Variants in FRMD3 observed in about 807,000 individuals in gnomAD.
The protein encoded by FRMD3 is FERM domain containing 3, also known as FERM domain-containing protein 3.
Under a neutral mutation model 70.2 loss-of-function variants are expected in FRMD3, and 33 were observed. The ratio of observed to expected loss-of-function variants is 0.47; its 90% CI spans 0.36 to 0.63. The LOEUF is 0.63. FRMD3 is among the 20% of genes least tolerant of loss of function. The pLI is 0.00. For missense variants in FRMD3, 632 were observed against 711.4 expected, an observed-to-expected ratio of 0.89 and a Z score of 1.27; for synonymous variants, 279 against 255.9, an observed-to-expected ratio of 1.09 and a Z score of -0.86.
At chr9:83,539,007 C>G (rs1829963741), upstream of FRMD3, among the ~76,000 whole-genome samples, 1 of 152,226 alleles carries the variant, frequency 6.6e-6, no homozygotes, top group African/African-American at 2.4e-5. Flanking sequence ...AGCTAGGACT[C>G]AGTCTCTTTC....
intron 2 of FRMD3, among the ~76,000 whole-genome samples, chr9:83,381,766 C>G (rs909811601): frequency 1.3e-5 from 2 of 152,094 alleles, no homozygotes; most frequent in African/African-American, 4.8e-5. Context: ...AACCTCCATT[C>G]CCTTCCCTAT....
chr9:83,563,850 A>T, the FRMD3 span, among the ~76,000 whole-genome samples: 1 of 152,148 alleles, frequency 6.6e-6, no homozygotes, highest in Non-Finnish European at 1.5e-5. Flanking sequence ...GAGTACTCTC[A>T]CCTGCATTAC....
At chr9:83,292,818 T>C (rs1006178517) in intron 12 of FRMD3, among the ~76,000 whole-genome samples, 2 of 152,080 alleles carry the variant, frequency 1.3e-5, no homozygotes, top group African/African-American at 4.8e-5. Context: ...CAGCTAATTT[T>C]TGTATTTTTA....
At chr9:83,244,239 C>T (rs11139995), downstream of FRMD3, among the ~76,000 whole-genome samples, 32,150 of 151,998 alleles carry the variant, frequency 0.21, 3,666 homozygotes, top group Admixed American at 0.26. Flanking sequence ...CTCTCTCTGG[C>T]GTGGGAAGGC....
chr9:83,559,719 T>A, the FRMD3 span, among the ~76,000 whole-genome samples: 1 of 152,210 alleles, frequency 6.6e-6, no homozygotes. Context: ...TCTTGATATC[T>A]AAAAGAAGTT....
At position 83,299,194 on chromosome 9, in the gene FRMD3, A is replaced by G. The variant is rs746183365; in HGVS notation, c.927-8T>C. ...TGACTGGATTTTGCATACCTTTAAG[A>G]AAAAGCAAAGCACAGGTGGTTAGGA... On this transcript the variant is annotated splice_polypyrimidine_tract_variant and splice_region_variant and intron_variant, in intron 10 of 13. Transcript: ENST00000304195. 5.6e-6 allele frequency: 9 copies of G among 1,602,038 alleles called. No individual in the cohort carries two copies. The highest frequency in any genetic ancestry group is 1.7e-4 in the Middle Eastern group (1 of 6,022).
rs1829915449 is a variant in FRMD3 at position 83,537,195 on chromosome 9, T to C, written c.147+890A>G. 6.6e-6 allele frequency among the ~76,000 whole-genome samples: 1 copy of C among 151,922 alleles called. No individual in the cohort carries two copies. The highest frequency in any genetic ancestry group is 6.6e-5 in the Admixed American group (1 of 15,258). ...GCGCAACCACATGCACACACACACC[T>C]TTGCACCTCACACTAGCTCTCCTGA... On this transcript the variant is annotated intron_variant, in intron 1 of 13. Transcript: ENST00000304195. The surrounding 1 kb of genome is among the most constrained non-coding windows in gnomAD (Gnocchi z 4.1).
chr9:83,563,693 G>A, the FRMD3 span, among the ~76,000 whole-genome samples: 5 of 152,172 alleles, frequency 3.3e-5, no homozygotes, highest in East Asian at 1.9e-4. Context: ...TCCAGCTCAC[G>A]TAGGACATGC....
At position 83,245,579 on chromosome 9, in the gene FRMD3, T is replaced by C. The variant is rs2118453890; in HGVS notation, c.*2339A>G. ...TACTCCTTAAGATAAATCTGCATCG[T>C]TGGATTACATGTGATATTTATACTA... On this transcript the variant is annotated 3_prime_UTR_variant, in exon 14 of 14. Coordinates refer to ENST00000304195, the MANE Select transcript of FRMD3 (RefSeq NM_174938.6). 1 of 853,400 alleles carries C rather than the reference T, an allele frequency of 1.2e-6. No individual in the cohort carries two copies. The highest frequency in any genetic ancestry group is 1.4e-6 in the Non-Finnish European group (1 of 709,510). 52.9% of individuals were successfully genotyped at this position (853,400 alleles called of 1,614,324 possible).
intron 5 of FRMD3, among the ~76,000 whole-genome samples, chr9:83,338,827 G>A (rs1377925587): frequency 6.6e-6 from 1 of 152,170 alleles, no homozygotes; most frequent in Non-Finnish European, 1.5e-5. Context: ...CCAATGATGA[G>A]AGGTGGGCCA....
At chr9:83,483,251 T>C (rs1412547515) in intron 1 of FRMD3, among the ~76,000 whole-genome samples, 1 of 152,166 alleles carries the variant, frequency 6.6e-6, no homozygotes, top group Non-Finnish European at 1.5e-5. Flanking sequence ...CTCTGCCATG[T>C]GAAGGTATTT....
In FRMD3 at chr9:83,426,415, C is replaced by T. The variant is rs193020555; in HGVS notation, c.148-36707G>A. ...TCAAGAAACATATGGACAGACAAGG[C>T]AGTTATTCTGATACAATGTGAGAGG... On this transcript the variant is annotated intron_variant, in intron 1 of 13. Coordinates refer to ENST00000304195, the MANE Select transcript of FRMD3 (RefSeq NM_174938.6). Among the ~76,000 whole-genome samples the T allele has an allele frequency of 1.8e-4, 27 of 152,354 alleles. No individual in the cohort carries two copies. In the East Asian group the frequency reaches 4.8e-3, roughly 27 times the overall value.
chr9:83,423,963 C>G (rs1243252577), intron 1 of FRMD3, among the ~76,000 whole-genome samples: 1 of 152,174 alleles, frequency 6.6e-6, no homozygotes, highest in African/African-American at 2.4e-5. Context: ...GTTGCAAATA[C>G]AGAACATCTC....
chr9:83,462,640 T>C (rs767546446), intron 1 of FRMD3, among the ~76,000 whole-genome samples: 3 of 152,174 alleles, frequency 2.0e-5, no homozygotes, highest in African/African-American at 4.8e-5. Context: ...TCTCAAAGGC[T>C]CTTATTTCCA....
chr9:83,338,274 T>C (rs1823644010), intron 5 of FRMD3, among the ~76,000 whole-genome samples: 1 of 152,192 alleles, frequency 6.6e-6, no homozygotes, highest in Non-Finnish European at 1.5e-5. Flanking sequence ...CAAAAATACT[T>C]GTGCACTGCT....
intron 1 of FRMD3, among the ~76,000 whole-genome samples, chr9:83,418,528 G>T (rs116406342): frequency 0.058 from 8,763 of 152,168 alleles, 379 homozygotes; most frequent in African/African-American, 0.12. Context: ...TGAAAAAAAT[G>T]CTCAACATCA....
At chr9:83,357,935 C>T (rs893654255) in intron 3 of FRMD3, among the ~76,000 whole-genome samples, 1 of 152,018 alleles carries the variant, frequency 6.6e-6, no homozygotes, top group African/African-American at 2.4e-5. Context: ...TAATTAAGTC[C>T]CATATATTTA....
chr9:83,514,252 C>T (rs985718822), intron 1 of FRMD3, among the ~76,000 whole-genome samples: 4 of 152,162 alleles, frequency 2.6e-5, no homozygotes, highest in Admixed American at 1.3e-4. Flanking sequence ...CTGAAGTTGA[C>T]CTGGAATGCT....
At chr9:83,445,379 T>TAGATAGACAGAC (rs1554706371) in intron 1 of FRMD3, among the ~76,000 whole-genome samples, 109 of 150,974 alleles carry the variant, frequency 7.2e-4, no homozygotes, top group African/African-American at 2.1e-3. Flanking sequence ...GATAGATAGA[T>TAGATAGACAGAC]AGACAGATAG....
Sources: allele counts gnomAD v4.1 joint callset (sites outside exome capture counted in the v4.1 genomes callset), GRCh38; gene constraint gnomAD v4.1.1; non-coding constraint Gnocchi (gnomAD v3.1); transcripts MANE v1.5; gene names NCBI Gene and HGNC (gene_info 2026-07-23, HGNC 2026-07-21).